The following PDZD2 variants were observed in gnomAD, a reference collection of about 807,000 sequenced individuals.
PDZD2 encodes the protein PDZ domain-containing protein 2.
In PDZD2, 90 loss-of-function variants were observed where a neutral mutation model predicts 220.7. That is an observed-to-expected ratio of 0.41 (90% confidence interval 0.34 to 0.49). The LOEUF is 0.49. Among genes scored for constraint, PDZD2 ranks in the 20% least tolerant of loss-of-function variants. The pLI is 0.28. For synonymous variants in PDZD2, 1,375 were observed against 1,450.5 expected (o/e 0.95, Z 1.18); for missense variants, 3,174 against 3,608.5 (o/e 0.88, Z 3.08).
intron 2 of PDZD2, among the ~76,000 whole-genome samples, chr5:31,883,222 T>C (rs1244492037): frequency 2.1e-5 from 3 of 139,880 alleles, no homozygotes; most frequent in Non-Finnish European, 3.1e-5. Context: ...CTACCTTTTT[T>C]TTTTTTTTTT....
intron 1 of PDZD2, among the ~76,000 whole-genome samples, chr5:31,733,541 C>A (rs1208880124): frequency 1.3e-5 from 2 of 152,180 alleles, no homozygotes; most frequent in African/African-American, 4.8e-5. Flanking sequence ...CCAAGTCAGA[C>A]AATGAGTCTA....
intron 1 of PDZD2, among the ~76,000 whole-genome samples, chr5:31,722,331 T>C (rs1368824213): frequency 1.3e-5 from 2 of 152,114 alleles, no homozygotes; most frequent in Admixed American, 1.3e-4. Flanking sequence ...AAGCACGCCC[T>C]TGGGTTCCTG....
rs573057647 is a variant in PDZD2, at chr5:32,028,044, T to C, written c.1408-9187T>C. On this transcript the variant is annotated intron_variant, in intron 6 of 24. Transcript: ENST00000438447. ...TGTCTTCTGTCACATCTGCAGATTT[T>C]TTCTTTTTTTTTCAAGTCTTGGGAA... Among the ~76,000 whole-genome samples, 5 of 152,284 alleles carry C rather than the reference T, an allele frequency of 3.3e-5. No individual in the cohort carries two copies. In the East Asian group the frequency reaches 9.6e-4, roughly 29 times the overall value.
chr5:31,883,619 ATTTTTT>A (rs34170782), intron 2 of PDZD2, among the ~76,000 whole-genome samples: 3 of 133,576 alleles, frequency 2.2e-5, no homozygotes, highest in Non-Finnish European at 3.3e-5. Flanking sequence ...ATCCTCTGTA[ATTTTTT>A]TTTTTTTTTT....
At chr5:31,710,385 G>A (rs754092945) in intron 1 of PDZD2, among the ~76,000 whole-genome samples, 7 of 152,106 alleles carry the variant, frequency 4.6e-5, no homozygotes, top group African/African-American at 9.7e-5. Context: ...ATAAATCAGC[G>A]TCATTATTAG....
chr5:31,875,086 T>C (rs1739185634), intron 2 of PDZD2, among the ~76,000 whole-genome samples: 1 of 152,214 alleles, frequency 6.6e-6, no homozygotes, highest in East Asian at 1.9e-4. Flanking sequence ...TTATGCTGCT[T>C]ATTTTTTCCT....
chr5:32,077,561 A>G lies in PDZD2; in HGVS notation c.3637A>G (p.Asn1213Asp), dbSNP rs115749771. ...TCTGGATGCCAGCCACCTCACAGAG[A>G]ACCTGCCCAAAGCTGCATCAGAGCT... ...SHLDASHLTE[N>D]LPKAASELGQ... The change falls in exon 19 of 25, where the codon AAC becomes GAC. Residue 1213 changes from asparagine to aspartate, a missense_variant. This residue lies in a region of PDZD2 where 1,861 missense variants were observed against 2,001.0 expected (regional missense o/e 0.93). Coordinates refer to ENST00000438447, the MANE Select transcript of PDZD2 (RefSeq NM_178140.4). 1.0e-3 allele frequency: 1,677 copies of G among 1,614,158 alleles called. 11 individuals carry two copies. The African/African-American group carries it at 0.018, about 18-fold the overall frequency.
rs200449834 is a variant in PDZD2 at position 32,089,378 on chromosome 5, C to G, written c.5930C>G (p.Thr1977Arg). 2 of 1,614,098 alleles carry G rather than the reference C, an allele frequency of 1.2e-6. No individual in the cohort carries two copies. The highest frequency in any genetic ancestry group is 1.7e-6 in the Non-Finnish European group (2 of 1,180,016). The stretch of plus-strand genomic sequence containing the variant: ...CCACTGAAACCCTCAGTGTCTGACA[C>G]GAGCATCAGGACATTTGTCTCGCCC... ...SGPLKPSVSD[T>R]SIRTFVSPLT... The change falls in exon 20 of 25, where the codon ACG becomes AGG. Residue 1977 changes from threonine (T) to arginine (R), a missense_variant. By Grantham distance (71) the Thr-to-Arg change is moderately conservative (BLOSUM62 -1). Coordinates refer to ENST00000438447, the MANE Select transcript of PDZD2 (RefSeq NM_178140.4).
intron 1 of PDZD2, among the ~76,000 whole-genome samples, chr5:31,647,413 C>A (rs2150104338): frequency 6.6e-6 from 1 of 152,278 alleles, no homozygotes; most frequent in Middle Eastern, 3.4e-3. Context: ...TTTATCCTCT[C>A]ACAGTATCCT....
intron 1 of PDZD2, among the ~76,000 whole-genome samples, chr5:31,641,671 G>T (rs1208433673): frequency 6.6e-6 from 1 of 151,696 alleles, no homozygotes; most frequent in Non-Finnish European, 1.5e-5. Context: ...TGTGTTTTTT[G>T]TGGAGATGGG....
chr5:31,792,265 G>A (rs889623150), intron 1 of PDZD2, among the ~76,000 whole-genome samples: 13 of 152,160 alleles, frequency 8.5e-5, no homozygotes, highest in African/African-American at 3.1e-4. Context: ...ATAGTTCAGG[G>A]GGGCAAGGTC....
intron 14 of PDZD2, among the ~76,000 whole-genome samples, chr5:32,064,497 C>T (rs1383603727): frequency 6.6e-6 from 1 of 151,944 alleles, no homozygotes; most frequent in Non-Finnish European, 1.5e-5. Flanking sequence ...CCTGCCTTGG[C>T]CTCCCAAAGT....
At chr5:31,749,460 T>C (rs1448856290) in intron 1 of PDZD2, among the ~76,000 whole-genome samples, 1 of 151,028 alleles carries the variant, frequency 6.6e-6, no homozygotes, top group Admixed American at 6.6e-5. Flanking sequence ...GTTTTGCTCT[T>C]TCACCCAGGC....
rs983279423 is a variant in PDZD2 at position 31,917,686 on chromosome 5, A to G, written c.477-65469A>G. On this transcript the variant is annotated intron_variant, in intron 2 of 24. Transcript: ENST00000438447. ...ACATACCTGAAGCTGGGTAATTTAT[A>G]AAGAAAAGAGGTTTAATTGGCCCAC... Among the ~76,000 whole-genome samples the G allele has an allele frequency of 1.8e-4, 28 of 152,298 alleles. 1 individual carries two copies. Among genetic ancestry groups the G allele is most frequent in the South Asian group, 1.2e-3 (6 of 4,830 alleles).
At chr5:31,706,864 A>G (rs1747850716) in intron 1 of PDZD2, among the ~76,000 whole-genome samples, 1 of 149,970 alleles carries the variant, frequency 6.7e-6, no homozygotes, top group Non-Finnish European at 1.5e-5. Context: ...AAAAAAAGCA[A>G]TCCTGTCATT....
At chr5:32,071,455 TG>T in intron 16 of PDZD2, 37 bp downstream of exon 16, 1 of 1,546,024 alleles carries the variant, frequency 6.5e-7, no homozygotes, top group Non-Finnish European at 8.9e-7. Context: ...CTCCCTCAGC[TG>T]GACCACAAAC....
chr5:32,102,215 G>A (rs35492491), intron 24 of PDZD2, among the ~76,000 whole-genome samples: 3,012 of 152,148 alleles, frequency 0.02, 106 homozygotes, highest in African/African-American at 0.07. Flanking sequence ...GCATCCTTGG[G>A]GCCCAGAGGA....
At chr5:32,050,142 G>A (rs548558704) in intron 8 of PDZD2, among the ~76,000 whole-genome samples, 97 of 152,212 alleles carry the variant, frequency 6.4e-4, no homozygotes, top group African/African-American at 2.3e-3. Flanking sequence ...TGTTGGCCAG[G>A]CTGGTCTCAA....
chr5:31,750,885 A>T (rs1750920369), intron 1 of PDZD2, among the ~76,000 whole-genome samples: 1 of 152,102 alleles, frequency 6.6e-6, no homozygotes, highest in Non-Finnish European at 1.5e-5. Flanking sequence ...GCACTTTGAA[A>T]GCCACGGTGA....
Sources: gnomAD v4.1 joint callset for allele counts (sites outside exome capture counted in the v4.1 genomes callset) on GRCh38, gnomAD v4.1.1 for gene constraint, gnomAD v4.1.1 regional missense constraint, MANE v1.5 for transcripts, NCBI Gene and HGNC (gene_info 2026-07-23, HGNC 2026-07-21) for gene names.